SUSD4: variants seen among roughly 807,000 people sequenced by gnomAD.
The protein encoded by SUSD4 is sushi domain containing 4, also known as sushi domain-containing protein 4.
A neutral mutation model predicts 50.5 loss-of-function variants in SUSD4; 41 were observed. That is an observed-to-expected ratio of 0.81 (90% CI 0.63 to 1.05). The LOEUF (loss-of-function observed/expected upper bound fraction) is 1.05. Ranked by LOEUF, SUSD4 falls within the 50% of genes least tolerant of loss-of-function variation. The pLI is 0.00. For synonymous variants in SUSD4, 257 were observed against 257.3 expected (o/e 1.00, Z 0.01); for missense variants, 580 against 634.7 (o/e 0.91, Z 0.93).
At chr1:223,338,924 G>T (rs1667602526) in intron 2 of SUSD4, among the ~76,000 whole-genome samples, 1 of 152,202 alleles carries the variant, frequency 6.6e-6, no homozygotes, top group Non-Finnish European at 1.5e-5. Context: ...CTGAGCAGGA[G>T]AAATACATCC....
intron 2 of SUSD4, among the ~76,000 whole-genome samples, chr1:223,305,826 G>A (rs1665503234): frequency 6.6e-6 from 1 of 152,110 alleles, no homozygotes. Flanking sequence ...TCATCCATGT[G>A]GGCTAAAGGC....
chr1:223,347,203 A>G (rs1668081450), intron 2 of SUSD4, among the ~76,000 whole-genome samples: 1 of 152,224 alleles, frequency 6.6e-6, no homozygotes, highest in Admixed American at 6.5e-5. Flanking sequence ...TGTTATAAAC[A>G]ATCCAATTAC....
intron 5 of SUSD4, among the ~76,000 whole-genome samples, chr1:223,244,918 G>A (rs115356468): frequency 1.6e-3 from 249 of 152,272 alleles, no homozygotes; most frequent in Non-Finnish European, 2.6e-3. Flanking sequence ...TAACAGCACT[G>A]GGTGTGTGTG....
intron 5 of SUSD4, among the ~76,000 whole-genome samples, chr1:223,255,843 AG>A (rs544731705): frequency 1.0e-3 from 155 of 152,344 alleles, no homozygotes; most frequent in African/African-American, 2.9e-3. Flanking sequence ...ATAAGCCTGC[AG>A]GGAGCTTGAG....
At chr1:223,264,103 T>C in intron 5 of SUSD4, 4 of 985,432 alleles carry the variant, frequency 4.1e-6, no homozygotes, top group Non-Finnish European at 4.8e-6. Context: ...TACTTCATAC[T>C]ACTGATTAGT....
intron 2 of SUSD4, among the ~76,000 whole-genome samples, chr1:223,337,543 T>C (rs1667527660): frequency 6.6e-6 from 1 of 152,006 alleles, no homozygotes; most frequent in Non-Finnish European, 1.5e-5. Flanking sequence ...TGGGTGTTAA[T>C]AGCAGAAGCT....
At chr1:223,327,441 C>A (rs969379502) in intron 2 of SUSD4, among the ~76,000 whole-genome samples, 2 of 152,164 alleles carry the variant, frequency 1.3e-5, no homozygotes, top group African/African-American at 4.8e-5. Context: ...CTATAAAACT[C>A]ATCCATGTAA....
chr1:223,220,992 T>G lies in SUSD4; in HGVS notation c.*1200A>C. 2.5e-6 allele frequency: 1 copy of G among 400,816 alleles called. No individual in the cohort carries two copies. The highest frequency in any genetic ancestry group is 4.4e-6 in the Non-Finnish European group (1 of 226,250). 24.8% of individuals were successfully genotyped at this position (400,816 alleles called of 1,614,324 possible). A position where few individuals can be genotyped will look rare whatever the true frequency, so the allele number is the denominator to read the frequency against. ...AAGGAATCAACTCCACAGATCAACA[T>G]GTATTTGAAGAGACACTTCAGGACA... On this transcript the variant is annotated 3_prime_UTR_variant, in exon 9 of 9. Coordinates refer to ENST00000366878, the MANE Select transcript of SUSD4 (RefSeq NM_017982.4).
At chr1:223,352,156 T>A (rs1209903838) in intron 2 of SUSD4, among the ~76,000 whole-genome samples, 1 of 152,184 alleles carries the variant, frequency 6.6e-6, no homozygotes, top group Non-Finnish European at 1.5e-5. Flanking sequence ...GAGTCTACCC[T>A]TGAGTGTGGC....
intron 2 of SUSD4, among the ~76,000 whole-genome samples, chr1:223,337,894 C>T (rs1667546071): frequency 6.6e-6 from 1 of 152,228 alleles, no homozygotes; most frequent in Non-Finnish European, 1.5e-5. Context: ...GGTCTGACAA[C>T]TGGAGGCCAC....
chr1:223,297,915 T>C (rs1354020837), intron 2 of SUSD4, among the ~76,000 whole-genome samples: 1 of 151,484 alleles, frequency 6.6e-6, no homozygotes, highest in Non-Finnish European at 1.5e-5. Flanking sequence ...GGTGGATGGA[T>C]GGACAGGTGG....
chr1:223,268,754 A>G, intron 3 of SUSD4, 79 bp from the exon 4 acceptor site: 1 of 1,457,964 alleles, frequency 6.9e-7, no homozygotes, highest in Non-Finnish European at 9.4e-7. Context: ...GAAAGCTCTT[A>G]TTTTCAGACT....
chr1:223,240,773 A>T (rs1187175212), intron 5 of SUSD4, among the ~76,000 whole-genome samples: 1 of 152,216 alleles, frequency 6.6e-6, no homozygotes, highest in African/African-American at 2.4e-5. Flanking sequence ...GAACCCCAAC[A>T]TTCCTGTCAT....
At chr1:223,266,760 T>C (rs887063256) in intron 4 of SUSD4, among the ~76,000 whole-genome samples, 5 of 152,226 alleles carry the variant, frequency 3.3e-5, no homozygotes, top group African/African-American at 7.2e-5. Context: ...ACTTAGAGAA[T>C]GAAATGTCAC....
intron 5 of SUSD4, among the ~76,000 whole-genome samples, chr1:223,240,897 G>C (rs1285604301): frequency 6.6e-6 from 1 of 152,188 alleles, no homozygotes; most frequent in African/African-American, 2.4e-5. Context: ...GGGAACTGCT[G>C]TAAGGAGGCT....
At chr1:223,314,020 G>C (rs763081967) in intron 2 of SUSD4, among the ~76,000 whole-genome samples, 1 of 152,122 alleles carries the variant, frequency 6.6e-6, no homozygotes, top group Non-Finnish European at 1.5e-5. Context: ...CCAAACAGCA[G>C]CCCTCAGAAC....
chr1:223,256,028 G>A (rs1661665615), intron 5 of SUSD4, among the ~76,000 whole-genome samples: 1 of 152,216 alleles, frequency 6.6e-6, no homozygotes, highest in Non-Finnish European at 1.5e-5. Flanking sequence ...GTACATCCCT[G>A]GTTGGCACCA....
rs911065974 is a variant in SUSD4 at position 223,332,581 on chromosome 1, T to C, written c.148+30697A>G. ...GCTATTTTTAATGCTGTAATTTGGATTCAAGACGTAAAAAATACATCTCAG... is the reference window on the plus strand; with the variant it reads ...GCTATTTTTAATGCTGTAATTTGGACTCAAGACGTAAAAAATACATCTCAG... On this transcript the variant is annotated intron_variant, in intron 2 of 8. Transcript: ENST00000366878. The surrounding 1 kb of genome is among the most constrained non-coding windows in gnomAD (Gnocchi z 4.0). Among the ~76,000 whole-genome samples, 2 of 152,212 alleles carry C rather than the reference T, an allele frequency of 1.3e-5. No homozygotes were observed. The highest frequency in any genetic ancestry group is 2.9e-5 in the Non-Finnish European group (2 of 68,046).
intron 5 of SUSD4, among the ~76,000 whole-genome samples, chr1:223,246,626 G>A (rs1416235319): frequency 3.3e-5 from 5 of 152,080 alleles, no homozygotes; most frequent in East Asian, 1.9e-4. Context: ...TCTGACAGGC[G>A]TAGGAGGGGC....
Sources: gnomAD v4.1 joint callset for allele counts (sites outside exome capture counted in the v4.1 genomes callset) on GRCh38, gnomAD v4.1.1 for gene constraint, Gnocchi (gnomAD v3.1) non-coding constraint, MANE v1.5 for transcripts, NCBI Gene and HGNC (gene_info 2026-07-23, HGNC 2026-07-21) for gene names.